The following PXN variants were observed in gnomAD, a reference collection of about 807,000 sequenced individuals.
The protein encoded by PXN is testicular tissue protein Li 134.
A neutral mutation model predicts 103.6 loss-of-function variants in PXN; 61 were observed. The observed-to-expected ratio is 0.59, with a 90% confidence interval of 0.48 to 0.73. The LOEUF (loss-of-function observed/expected upper bound fraction) is 0.73, where lower values mean the gene tolerates loss of function less well. Among genes scored for constraint, PXN ranks in the 30% least tolerant of loss-of-function variants. PXN has a pLI of 0.00. For synonymous variants in PXN, 562 were observed against 607.8 expected, an observed-to-expected ratio of 0.92 and a Z score of 1.11; for missense variants, 1,274 against 1,460.3, an observed-to-expected ratio of 0.87 and a Z score of 2.08.
intron 1 of PXN, among the ~76,000 whole-genome samples, chr12:120,263,841 C>T (rs957188993): frequency 4.6e-5 from 7 of 152,180 alleles, no homozygotes; most frequent in African/African-American, 1.7e-4. Flanking sequence ...ATTTCGATGG[C>T]GAGCTCTACA....
Position 120,212,022 on chromosome 12 carries a change from C to A in PXN, c.*292G>T. 1 of 655,742 alleles carries A rather than the reference C, an allele frequency of 1.5e-6. No individual in the cohort carries two copies. The highest frequency in any genetic ancestry group is 2.9e-6 in the Non-Finnish European group (1 of 348,210). The allele number at this position is 655,742 out of a possible 1,614,324, so 40.6% of individuals were successfully genotyped here. A position where few individuals can be genotyped will look rare whatever the true frequency, so the allele number is the denominator to read the frequency against. On this transcript the variant is annotated 3_prime_UTR_variant, in exon 15 of 15. Transcript: ENST00000637617. This position sits in a 1 kb window ranked among gnomAD's most constrained non-coding sequence, Gnocchi z 7.2. The stretch of plus-strand genomic sequence containing the variant: ...GTGTGGGGTGCTGGCCAGGCCAGTT[C>A]GTGGGGACGTACATGGGCTGGGGTG...
rs139014627 is a variant in PXN, at chr12:120,228,577, T to A, written c.14-4200A>T. Among the ~76,000 whole-genome samples, 344 of 152,296 alleles carry A rather than the reference T, an allele frequency of 2.3e-3. No individual in the cohort carries two copies. The highest frequency in any genetic ancestry group is 7.6e-3 in the African/African-American group (314 of 41,564). Reference sequence around the variant, plus strand: ...GGGTAACCTCGTGCAATCTTGCAATTTTCTAGCCGGGGAAGACTGGGGAGC... The same window carrying A: ...GGGTAACCTCGTGCAATCTTGCAATATTCTAGCCGGGGAAGACTGGGGAGC... On this transcript the variant is annotated intron_variant, in intron 1 of 14. Transcript: ENST00000637617. The surrounding 1 kb of genome is among the most constrained non-coding windows in gnomAD (Gnocchi z 4.7).
chr12:120,263,597 G>C (rs1337643603), intron 1 of PXN, among the ~76,000 whole-genome samples: 4 of 152,300 alleles, frequency 2.6e-5, no homozygotes, highest in Non-Finnish European at 2.9e-5. Flanking sequence ...GCCTCTCTTC[G>C]TCTCGGCTTT....
At chr12:120,253,079 T>C (rs2136646614) in intron 1 of PXN, among the ~76,000 whole-genome samples, 1 of 152,050 alleles carries the variant, frequency 6.6e-6, no homozygotes, top group Non-Finnish European at 1.5e-5. Flanking sequence ...GCAACTAATT[T>C]GGAATATTTT....
At chr12:120,233,581 C>T (rs887923635) in intron 1 of PXN, among the ~76,000 whole-genome samples, 1 of 152,202 alleles carries the variant, frequency 6.6e-6, no homozygotes, top group African/African-American at 2.4e-5. Context: ...GCTGGGATTA[C>T]AAGCATAAGC....
At chr12:120,230,530 A>G (rs1275487002) in intron 1 of PXN, among the ~76,000 whole-genome samples, 1 of 152,118 alleles carries the variant, frequency 6.6e-6, no homozygotes, top group African/African-American at 2.4e-5. Flanking sequence ...GGAGCTATGT[A>G]AACAGCAGGA....
rs1443970217 is a variant in PXN at position 120,210,877 on chromosome 12, G to C, written c.*1437C>G. On this transcript the variant is annotated 3_prime_UTR_variant, in exon 15 of 15. Transcript: ENST00000637617. ...AGCTCTGGGGGGTTTCCCCAGAGGA[G>C]CCTGTCCCTCTGCCCCAAATCCTAT... The C allele has an allele frequency of 6.6e-6, 1 of 152,628 alleles. No homozygotes were observed. The highest frequency in any genetic ancestry group is 1.5e-5 in the Non-Finnish European group (1 of 68,066). 9.5% of individuals were successfully genotyped at this position (152,628 alleles called of 1,614,324 possible).
rs1187765049 is a variant in PXN at position 120,222,532 on chromosome 12, G to A, written c.695+17C>T. On this transcript the variant is annotated intron_variant, in intron 5 of 14. Coordinates refer to ENST00000637617, the MANE Select transcript of PXN (RefSeq NM_001385981.1). This position sits in a 1 kb window ranked among gnomAD's most constrained non-coding sequence, Gnocchi z 4.7. ...GCCAGCCCTTCCCCACCTGGGGAGG[G>A]CCCAGTGGGTACTCACACGGGGCTG... 6.3e-7 allele frequency: 1 copy of A among 1,579,506 alleles called. No individual in the cohort carries two copies. The highest frequency in any genetic ancestry group is 2.3e-5 in the East Asian group (1 of 42,934).
At chr12:120,238,943 GC>G (rs1002858960) in intron 1 of PXN, among the ~76,000 whole-genome samples, 2 of 152,182 alleles carry the variant, frequency 1.3e-5, no homozygotes, top group Non-Finnish European at 2.9e-5. Flanking sequence ...CCGTGCTTCT[GC>G]CCCCTAACTA....
chr12:120,258,326 G>T (rs919844161), intron 1 of PXN, among the ~76,000 whole-genome samples: 1 of 152,126 alleles, frequency 6.6e-6, no homozygotes, highest in Admixed American at 6.6e-5. Context: ...TAACTCATGA[G>T]GCTGCCTCCA....
rs1178953848 is a variant in PXN at position 120,217,014 on chromosome 12, TC to T, written c.1818del (p.Thr607ProfsTer36). The T allele has an allele frequency of 1.3e-6, 2 of 1,576,510 alleles. No homozygotes were observed. Among genetic ancestry groups the T allele is most frequent in the Admixed American group, 3.5e-5 (2 of 56,668 alleles). On this transcript the variant is annotated frameshift_variant, in exon 8 of 15. Coordinates refer to ENST00000637617, the MANE Select transcript of PXN (RefSeq NM_001385981.1). LOFTEE classifies it high-confidence loss of function. The surrounding 1 kb of genome is among the most constrained non-coding windows in gnomAD (Gnocchi z 4.1). ...RRRLDPATLS[R>X]TPSQEQLIAE... is the part of the protein sequence containing the mutation. The stretch of plus-strand genomic sequence containing the variant: ...GCGATGAGCTGTTCCTGGGATGGGG[TC>T]CTGCTCAAGGTGGCAGGGTCCAGCC...
rs544918529 is a variant in PXN, at chr12:120,214,527, G to C, written c.2748+298C>G. On this transcript the variant is annotated intron_variant, in intron 12 of 14. Coordinates refer to ENST00000637617, the MANE Select transcript of PXN (RefSeq NM_001385981.1). This position sits in a 1 kb window ranked among gnomAD's most constrained non-coding sequence, Gnocchi z 5.0. ...GCCAGGCATTTCCTAAGTTCACAGA[G>C]AGGGAGAGTGAGGCCGCTGGCATCC... Among the ~76,000 whole-genome samples, 11 of 152,338 alleles carry C rather than the reference G, an allele frequency of 7.2e-5. No homozygotes were observed. The East Asian group carries it at 2.1e-3, about 29-fold the overall frequency.
At chr12:120,256,593 A>G (rs1371111213) in intron 1 of PXN, among the ~76,000 whole-genome samples, 1 of 152,146 alleles carries the variant, frequency 6.6e-6, no homozygotes, top group East Asian at 1.9e-4. Context: ...GTAAAGCGTG[A>G]GCAAATAGAG....
At chr12:120,252,382 A>G (rs200421000) in intron 1 of PXN, among the ~76,000 whole-genome samples, 1 of 152,294 alleles carries the variant, frequency 6.6e-6, no homozygotes, top group East Asian at 1.9e-4. Flanking sequence ...TTACCTTAGC[A>G]GGAGGGTCAA....
At position 120,225,982 on chromosome 12, in the gene PXN, C is replaced by G; in HGVS notation, c.14-1605G>C. The G allele has an allele frequency of 5.2e-6, 5 of 952,810 alleles. No individual in the cohort carries two copies. Among genetic ancestry groups the G allele is most frequent in the Non-Finnish European group, 6.5e-6 (5 of 767,306 alleles). The allele number at this position is 952,810 out of a possible 1,614,324, so 59.0% of individuals were successfully genotyped here. A position where few individuals can be genotyped will look rare whatever the true frequency, so the allele number is the denominator to read the frequency against. Reference sequence around the variant, plus strand: ...AGGACCCCGGGTCTGGTCGCCTGACCTCCAAGGAAGTTCAGGTCCTACAGC... The same window carrying G: ...AGGACCCCGGGTCTGGTCGCCTGACGTCCAAGGAAGTTCAGGTCCTACAGC... On this transcript the variant is annotated intron_variant, in intron 1 of 14. Coordinates refer to ENST00000637617, the MANE Select transcript of PXN (RefSeq NM_001385981.1). This position sits in a 1 kb window ranked among gnomAD's most constrained non-coding sequence, Gnocchi z 4.4.
rs746937694 is a variant in PXN, at chr12:120,219,195, G to A, written c.1716+12C>T. ...ATGGCCATGCCCAGCAGCCATGCGA[G>A]CTGGTGCCTGCCTGGCCAGAGGTGG... On this transcript the variant is annotated intron_variant, in intron 7 of 14. Coordinates refer to ENST00000637617, the MANE Select transcript of PXN (RefSeq NM_001385981.1). This position sits in a 1 kb window ranked among gnomAD's most constrained non-coding sequence, Gnocchi z 6.5. The A allele has an allele frequency of 1.3e-6, 2 of 1,552,210 alleles. No individual in the cohort carries two copies. Among genetic ancestry groups the A allele is most frequent in the South Asian group, 1.2e-5 (1 of 85,986 alleles).
At position 120,229,996 on chromosome 12, in the gene PXN, G is replaced by A. The variant is rs1887678462; in HGVS notation, c.14-5619C>T. Among the ~76,000 whole-genome samples the A allele has an allele frequency of 2.0e-5, 3 of 152,242 alleles. No individual in the cohort carries two copies. Among genetic ancestry groups the A allele is most frequent in the South Asian group, 4.1e-4 (2 of 4,824 alleles). ...TATAGTCCTGTGGCCCTCAGGCAGC[G>A]CCCCACCTTAGCACGCCTTGCATTC... On this transcript the variant is annotated intron_variant, in intron 1 of 14. Transcript: ENST00000637617. This position sits in a 1 kb window ranked among gnomAD's most constrained non-coding sequence, Gnocchi z 4.0.
chr12:120,223,451 GA>G (rs1555314922), intron 3 of PXN, among the ~76,000 whole-genome samples: 2 of 151,162 alleles, frequency 1.3e-5, no homozygotes, highest in Non-Finnish European at 1.5e-5. Flanking sequence ...CAAAAAAAAA[GA>G]AAAAAAGAAG....
intron 1 of PXN, among the ~76,000 whole-genome samples, chr12:120,236,636 C>G (rs928499368): frequency 7.9e-5 from 12 of 151,578 alleles, no homozygotes; most frequent in African/African-American, 2.9e-4. Context: ...GCCACCACAC[C>G]CAGCTAATTT....
Sources: gnomAD v4.1 joint callset for allele counts (sites outside exome capture counted in the v4.1 genomes callset) on GRCh38, gnomAD v4.1.1 for gene constraint, Gnocchi (gnomAD v3.1) non-coding constraint, MANE v1.5 for transcripts, NCBI Gene and HGNC (gene_info 2026-07-23, HGNC 2026-07-21) for gene names.